Variants in SH3GL2 observed in about 807,000 individuals in gnomAD.
The protein encoded by SH3GL2 is endophilin-A1.
Under a neutral mutation model 46.0 loss-of-function variants are expected in SH3GL2, and 24 were observed. That is an observed-to-expected ratio of 0.52 (90% confidence interval 0.38 to 0.73). The LOEUF is 0.73. Ranked by LOEUF, SH3GL2 falls within the 30% of genes least tolerant of loss-of-function variation. SH3GL2 has a pLI of 0.00. For missense variants in SH3GL2, 413 were observed against 424.2 expected (o/e 0.97, Z 0.23); for synonymous variants, 196 against 147.1 (o/e 1.33, Z -2.40).
Position 17,614,180 on chromosome 9 carries a change from A to G in SH3GL2, c.45+34893A>G, listed in dbSNP as rs112063162. Among the ~76,000 whole-genome samples, 950 of 150,652 alleles carry G rather than the reference A, an allele frequency of 6.3e-3. 12 individuals carry two copies. Among genetic ancestry groups the G allele is most frequent in the African/African-American group, 0.022 (910 of 41,054 alleles). On this transcript the variant is annotated intron_variant, in intron 1 of 8. Transcript: ENST00000380607. ...TGATTACTGTTTCTAGGTGCTGTAAATTGCTGATCATTCTCAGTAAATCAC... is the reference window on the plus strand; with the variant it reads ...TGATTACTGTTTCTAGGTGCTGTAAGTTGCTGATCATTCTCAGTAAATCAC...
intron 1 of SH3GL2, among the ~76,000 whole-genome samples, chr9:17,622,516 C>T (rs765629242): frequency 2.6e-5 from 4 of 152,106 alleles, no homozygotes; most frequent in South Asian, 2.1e-4. Context: ...TTTCCAGATT[C>T]GGCGCCACCT....
At chr9:17,731,752 C>CAGGT (rs1443069671) in intron 1 of SH3GL2, among the ~76,000 whole-genome samples, 1 of 152,162 alleles carries the variant, frequency 6.6e-6, no homozygotes, top group Non-Finnish European at 1.5e-5. Flanking sequence ...AAGGGGCTTG[C>CAGGT]AGGTTCTGGC....
intron 1 of SH3GL2, among the ~76,000 whole-genome samples, chr9:17,715,185 CTTTCT>C (rs1423655292): frequency 2.7e-4 from 38 of 141,456 alleles, no homozygotes; most frequent in Non-Finnish European, 4.4e-4. Flanking sequence ...ATTATGATTT[CTTTCT>C]TTTCTTTTTT....
At chr9:17,637,399 G>A (rs1043835447) in intron 1 of SH3GL2, among the ~76,000 whole-genome samples, 13 of 152,230 alleles carry the variant, frequency 8.5e-5, no homozygotes, top group African/African-American at 2.4e-4. Context: ...TCCCATAAAC[G>A]TCTGGTTATA....
intron 3 of SH3GL2, among the ~76,000 whole-genome samples, chr9:17,765,939 A>T (rs571188758): frequency 5.9e-5 from 9 of 152,234 alleles, no homozygotes; most frequent in African/African-American, 1.4e-4. Context: ...CTAATGTACT[A>T]AAACTTCTCT....
intron 1 of SH3GL2, among the ~76,000 whole-genome samples, chr9:17,606,600 T>C (rs909955439): frequency 1.3e-5 from 2 of 152,206 alleles, no homozygotes; most frequent in African/African-American, 4.8e-5. Context: ...AGATCTGATA[T>C]AGGAAACAAG....
At chr9:17,607,039 G>A (rs7034773) in intron 1 of SH3GL2, among the ~76,000 whole-genome samples, 16,706 of 152,184 alleles carry the variant, frequency 0.11, 3,083 homozygotes, top group African/African-American at 0.38. Context: ...GCCGGTTATC[G>A]AGGGAGTTTG....
At chr9:17,642,994 A>T (rs1391134248) in intron 1 of SH3GL2, among the ~76,000 whole-genome samples, 1 of 152,176 alleles carries the variant, frequency 6.6e-6, no homozygotes, top group African/African-American at 2.4e-5. Context: ...GGCCATTTTC[A>T]TGATATTGAT....
chr9:17,719,748 G>A (rs940932119), intron 1 of SH3GL2, among the ~76,000 whole-genome samples: 1 of 150,524 alleles, frequency 6.6e-6, no homozygotes, highest in Non-Finnish European at 1.5e-5. Context: ...AGCTATGATT[G>A]CATCACTGTA....
chr9:17,736,009 C>T (rs1216148103), intron 1 of SH3GL2, among the ~76,000 whole-genome samples: 1 of 152,046 alleles, frequency 6.6e-6, no homozygotes, highest in South Asian at 2.1e-4. Flanking sequence ...TCAGCATAAG[C>T]CTGCATTGTT....
chr9:17,687,979 A>T (rs1392218024), intron 1 of SH3GL2, among the ~76,000 whole-genome samples: 1 of 152,154 alleles, frequency 6.6e-6, no homozygotes, highest in Non-Finnish European at 1.5e-5. Context: ...TAGTATTTAA[A>T]AAGTAAGGGC....
At chr9:17,714,548 G>A (rs1016683524) in intron 1 of SH3GL2, among the ~76,000 whole-genome samples, 4 of 151,456 alleles carry the variant, frequency 2.6e-5, no homozygotes, top group African/African-American at 4.8e-5. Flanking sequence ...TTAGTGGTTG[G>A]TAGTGCCTAG....
At chr9:17,675,452 A>G (rs1052947426) in intron 1 of SH3GL2, among the ~76,000 whole-genome samples, 1 of 152,234 alleles carries the variant, frequency 6.6e-6, no homozygotes, top group Non-Finnish European at 1.5e-5. Flanking sequence ...TATTAATATT[A>G]CAGGCATTTA....
At chr9:17,720,153 C>G (rs148189764) in intron 1 of SH3GL2, among the ~76,000 whole-genome samples, 2 of 152,100 alleles carry the variant, frequency 1.3e-5, no homozygotes, top group African/African-American at 4.8e-5. Flanking sequence ...TCCCCTCTCC[C>G]AAATAAATTT....
intron 1 of SH3GL2, among the ~76,000 whole-genome samples, chr9:17,652,511 T>G (rs1342223898): frequency 6.6e-6 from 1 of 152,126 alleles, no homozygotes; most frequent in Non-Finnish European, 1.5e-5. Flanking sequence ...CATGAGTGCT[T>G]CAGAAGAGCA....
At chr9:17,791,045 C>G (rs1287430458) in intron 6 of SH3GL2, among the ~76,000 whole-genome samples, 186 bp from the exon 7 acceptor site, 2 of 152,252 alleles carry the variant, frequency 1.3e-5, no homozygotes, top group Non-Finnish European at 2.9e-5. Context: ...AGGATGCTTT[C>G]TTTTATCCTT....
chr9:17,645,624 T>C (rs1160639674), intron 1 of SH3GL2, among the ~76,000 whole-genome samples: 1 of 152,114 alleles, frequency 6.6e-6, no homozygotes, highest in African/African-American at 2.4e-5. Flanking sequence ...TTCTCCTTCA[T>C]TTATGAAGTT....
intron 1 of SH3GL2, among the ~76,000 whole-genome samples, chr9:17,670,495 G>A (rs1024395910): frequency 6.6e-6 from 1 of 152,104 alleles, no homozygotes; most frequent in African/African-American, 2.4e-5. Flanking sequence ...ATATCTGGTA[G>A]GGCCAATAGC....
chr9:17,661,398 G>A (rs1360097452), intron 1 of SH3GL2, among the ~76,000 whole-genome samples: 1 of 152,034 alleles, frequency 6.6e-6, no homozygotes, highest in East Asian at 1.9e-4. Context: ...ACACAAAATT[G>A]AACAAAGATG....
Sources: gnomAD v4.1 joint callset for allele counts (sites outside exome capture counted in the v4.1 genomes callset) on GRCh38, gnomAD v4.1.1 for gene constraint, MANE v1.5 for transcripts, NCBI Gene and HGNC (gene_info 2026-07-23, HGNC 2026-07-21) for gene names.